ALCAM: variants seen among roughly 807,000 people sequenced by gnomAD.
ALCAM encodes CD166 antigen.
Under a neutral mutation model 70.9 loss-of-function variants are expected in ALCAM, and 30 were observed. That is an observed-to-expected ratio of 0.42 (90% CI 0.32 to 0.57). The LOEUF (loss-of-function observed/expected upper bound fraction) is 0.57. ALCAM is among the 20% of genes least tolerant of loss of function. ALCAM has a pLI of 0.11. For synonymous variants in ALCAM, 249 were observed against 242.5 expected (o/e 1.03, Z -0.25); for missense variants, 591 against 695.1 (o/e 0.85, Z 1.68).
In ALCAM at chr3:105,413,542, G is replaced by A. The variant is rs549377488; in HGVS notation, c.73+46061G>A. Among the ~76,000 whole-genome samples, 3 of 152,244 alleles carry A rather than the reference G, an allele frequency of 2.0e-5. No homozygotes were observed. In the South Asian group the frequency reaches 6.2e-4, roughly 32 times the overall value. On this transcript the variant is annotated intron_variant, in intron 1 of 15. Coordinates refer to ENST00000306107, the MANE Select transcript of ALCAM (RefSeq NM_001627.4). ...CTTGATATCTACTTCCTCCTCTGGTGCATAGTAGATGGATGTGGGATAAGT... is the reference window on the plus strand; with the variant it reads ...CTTGATATCTACTTCCTCCTCTGGTACATAGTAGATGGATGTGGGATAAGT...
At chr3:105,500,360 C>A (rs974392119) in intron 1 of ALCAM, among the ~76,000 whole-genome samples, 1 of 151,624 alleles carries the variant, frequency 6.6e-6, no homozygotes, top group African/African-American at 2.4e-5. Context: ...TCTTAGGATT[C>A]TGTATTTTTA....
intron 1 of ALCAM, among the ~76,000 whole-genome samples, chr3:105,420,957 G>T (rs1936635472): frequency 6.6e-6 from 1 of 151,426 alleles, no homozygotes; most frequent in South Asian, 2.1e-4. Context: ...TGTATTTTAA[G>T]CAAGGAAATC....
At chr3:105,386,918 A>G (rs1345522055) in intron 1 of ALCAM, among the ~76,000 whole-genome samples, 1 of 151,468 alleles carries the variant, frequency 6.6e-6, no homozygotes, top group African/African-American at 2.4e-5. Context: ...CACCCATCAA[A>G]GGTTACATGA....
At chr3:105,367,516 G>A in intron 1 of ALCAM, 35 bp downstream of exon 1, 2 of 1,612,220 alleles carry the variant, frequency 1.2e-6, no homozygotes, top group Non-Finnish European at 1.7e-6. Flanking sequence ...CCAGACAGAC[G>A]TGGGCCTGGA....
intron 1 of ALCAM, among the ~76,000 whole-genome samples, chr3:105,373,133 T>C (rs1935279183): frequency 1.3e-5 from 2 of 152,108 alleles, no homozygotes; most frequent in South Asian, 4.1e-4. Flanking sequence ...TTTCATGTTA[T>C]GAGTTGGGTT....
At chr3:105,408,181 C>A (rs1936296596) in intron 1 of ALCAM, among the ~76,000 whole-genome samples, 1 of 145,586 alleles carries the variant, frequency 6.9e-6, no homozygotes, top group Non-Finnish European at 1.5e-5. Context: ...AAAATACCAC[C>A]ATTATTCTTC....
chr3:105,489,028 T>C (rs1025902913), intron 1 of ALCAM, among the ~76,000 whole-genome samples: 2 of 152,156 alleles, frequency 1.3e-5, no homozygotes, highest in Non-Finnish European at 2.9e-5. Context: ...AGATAAAATT[T>C]TGGTTAAGAG....
intron 4 of ALCAM, 144 bp from the exon 5 acceptor site, chr3:105,533,459 A>G (rs1044849933): frequency 2.0e-5 from 10 of 491,264 alleles, no homozygotes; most frequent in Non-Finnish European, 3.7e-5. Context: ...ACCAGAGAGC[A>G]TGTATTCAGT....
chr3:105,438,572 C>A (rs886185505), intron 1 of ALCAM, among the ~76,000 whole-genome samples: 15 of 152,058 alleles, frequency 9.9e-5, no homozygotes, highest in Non-Finnish European at 1.6e-4. Context: ...AATTATTATG[C>A]AAACATTTTA....
At chr3:105,413,069 C>T (rs937384658) in intron 1 of ALCAM, among the ~76,000 whole-genome samples, 1 of 151,880 alleles carries the variant, frequency 6.6e-6, no homozygotes, top group Non-Finnish European at 1.5e-5. Context: ...TCAGGTAGAC[C>T]CAGTTCTAAA....
intron 1 of ALCAM, among the ~76,000 whole-genome samples, chr3:105,504,677 G>C (rs1488850502): frequency 6.6e-6 from 1 of 152,000 alleles, no homozygotes; most frequent in Non-Finnish European, 1.5e-5. Flanking sequence ...TCCTCCAGAC[G>C]ACCACCTGTG....
chr3:105,570,360 A>C (rs1433313727), intron 14 of ALCAM, among the ~76,000 whole-genome samples: 3 of 152,160 alleles, frequency 2.0e-5, no homozygotes, highest in Non-Finnish European at 4.4e-5. Flanking sequence ...CCAAAATGTC[A>C]ATTTGATTTT....
In ALCAM at chr3:105,400,214, A is replaced by G. The variant is rs1936055253; in HGVS notation, c.73+32733A>G. ...TGGGTCATTAAGAAGATGATAAAGT[A>G]TTTTTCTTATAGCATGTTTGTGGGT... On this transcript the variant is annotated intron_variant, in intron 1 of 15. Transcript: ENST00000306107. Among the ~76,000 whole-genome samples, 2 of 152,102 alleles carry G rather than the reference A, an allele frequency of 1.3e-5. 1 individual carries two copies. Among genetic ancestry groups the G allele is most frequent in the South Asian group, 4.1e-4 (2 of 4,826 alleles).
At chr3:105,441,028 G>A (rs915534105) in intron 1 of ALCAM, among the ~76,000 whole-genome samples, 2 of 152,160 alleles carry the variant, frequency 1.3e-5, no homozygotes, top group African/African-American at 4.8e-5. Context: ...ATTTCTAGGA[G>A]TTAGAACCTC....
At chr3:105,506,455 G>T (rs75744883) in intron 1 of ALCAM, among the ~76,000 whole-genome samples, 1 of 152,082 alleles carries the variant, frequency 6.6e-6, no homozygotes, top group Non-Finnish European at 1.5e-5. Context: ...TTACTTCCTG[G>T]GGGAAGCATT....
chr3:105,479,774 G>C (rs1194885684), intron 1 of ALCAM, among the ~76,000 whole-genome samples: 1 of 152,064 alleles, frequency 6.6e-6, no homozygotes, highest in Non-Finnish European at 1.5e-5. Flanking sequence ...TAGCTGTTGA[G>C]ATTTTGAATT....
intron 1 of ALCAM, among the ~76,000 whole-genome samples, chr3:105,496,827 G>GGGGTGTGTGTGTGTGT (rs755792411): frequency 6.7e-5 from 7 of 103,826 alleles, no homozygotes; most frequent in Non-Finnish European, 1.3e-4. Flanking sequence ...GTCCAATTGA[G>GGGGTGTGTGTGTGTGT]GTGTGTGTGT....
intron 1 of ALCAM, among the ~76,000 whole-genome samples, chr3:105,419,993 T>A (rs1936603807): frequency 6.6e-6 from 1 of 151,662 alleles, no homozygotes; most frequent in Non-Finnish European, 1.5e-5. Context: ...GACGGGTGAG[T>A]CAGAGAAAGA....
intron 1 of ALCAM, among the ~76,000 whole-genome samples, chr3:105,518,297 C>A (rs1385511552): frequency 1.3e-5 from 2 of 151,996 alleles, no homozygotes; most frequent in African/African-American, 4.8e-5. Context: ...AGAGATGGAT[C>A]CTCTCAAAAT....
Sources: gnomAD v4.1 joint callset for allele counts (sites outside exome capture counted in the v4.1 genomes callset) on GRCh38, gnomAD v4.1.1 for gene constraint, MANE v1.5 for transcripts, NCBI Gene and HGNC (gene_info 2026-07-23, HGNC 2026-07-21) for gene names.